Variants in DIP2C observed in about 807,000 individuals in gnomAD.
DIP2C encodes DIP2 acetate--CoA ligase C (putative).
Under a neutral mutation model 192.4 loss-of-function variants are expected in DIP2C, and 33 were observed. That is an observed-to-expected ratio of 0.17 (90% CI 0.13 to 0.23). The LOEUF is 0.23. DIP2C is among the 10% of genes least tolerant of loss of function. The probability of loss-of-function intolerance (pLI) is 1.00; values close to 1 mark genes in which losing one functional copy is unlikely to be tolerated. For synonymous variants in DIP2C, 979 were observed against 864.1 expected (o/e 1.13, Z -2.33); for missense variants, 1,537 against 2,110.1 (o/e 0.73, Z 5.32).
chr10:545,363 C>T (rs574333982), intron 1 of DIP2C, among the ~76,000 whole-genome samples: 2 of 152,068 alleles, frequency 1.3e-5, no homozygotes, highest in South Asian at 4.2e-4. Context: ...GATGAGGTTT[C>T]ACTGCTGATC....
intron 5 of DIP2C, among the ~76,000 whole-genome samples, chr10:422,533 G>A (rs561997771): frequency 4.6e-5 from 7 of 152,176 alleles, no homozygotes; most frequent in African/African-American, 1.7e-4. Flanking sequence ...CCTGTTGATT[G>A]GGACTGTTAA....
intron 3 of DIP2C, among the ~76,000 whole-genome samples, chr10:469,677 C>A (rs1386783418): frequency 6.6e-6 from 1 of 152,148 alleles, no homozygotes; most frequent in Admixed American, 6.6e-5. Flanking sequence ...TGGACTCCCC[C>A]ACTTTCAGCC....
At chr10:549,697 C>A (rs1051413881) in intron 1 of DIP2C, among the ~76,000 whole-genome samples, 2 of 152,158 alleles carry the variant, frequency 1.3e-5, no homozygotes, top group African/African-American at 4.8e-5. Context: ...GCGGGACAAG[C>A]CATGGGTGCC....
At chr10:619,511 TGCCAGG>T (rs370197577) in intron 1 of DIP2C, among the ~76,000 whole-genome samples, 7,138 of 119,150 alleles carry the variant, frequency 0.06, 602 homozygotes, top group African/African-American at 0.22. Context: ...ACAGGCTTTA[TGCCAGG>T]GCCAGGACCA....
intron 3 of DIP2C, 83 bp downstream of exon 3, chr10:472,356 T>G: frequency 7.5e-7 from 1 of 1,331,590 alleles, no homozygotes; most frequent in Non-Finnish European, 1.1e-6. Flanking sequence ...ACTGCACTTC[T>G]GCCTCGCCCA....
chr10:311,909 C>T (rs919643), intron 31 of DIP2C, among the ~76,000 whole-genome samples: 22,464 of 152,024 alleles, frequency 0.15, 2,096 homozygotes, highest in African/African-American at 0.25. Flanking sequence ...GTGTCACTCA[C>T]GGTGCTCTTT....
At chr10:330,553 T>C (rs1372395818) in intron 29 of DIP2C, among the ~76,000 whole-genome samples, 1 of 152,056 alleles carries the variant, frequency 6.6e-6, no homozygotes, top group Non-Finnish European at 1.5e-5. Context: ...AGTAGGGTGG[T>C]GTAATCATAG....
At chr10:619,211 G>A (rs1351204255) in intron 1 of DIP2C, among the ~76,000 whole-genome samples, 8 of 152,072 alleles carry the variant, frequency 5.3e-5, no homozygotes, top group East Asian at 3.9e-4. Flanking sequence ...ATTTCAATAC[G>A]TGCACCTTCG....
rs576370798 is a variant in DIP2C, at chr10:543,043, CAG to C, written c.86-56515_86-56514del. ...TGACGATGACACCAATACCAAAAGT[CAG>C]AAACATTGAGTGATGATGATGACAC... On this transcript the variant is annotated intron_variant, in intron 1 of 36. Coordinates refer to ENST00000280886, the MANE Select transcript of DIP2C (RefSeq NM_014974.3). Among the ~76,000 whole-genome samples, 306 of 152,324 alleles carry C rather than the reference CAG, an allele frequency of 2.0e-3. 1 individual carries two copies. Among genetic ancestry groups the C allele is most frequent in the Middle Eastern group, 0.01 (3 of 294 alleles).
At chr10:390,161 G>T (rs1963343271) in intron 12 of DIP2C, 68 bp from the exon 13 acceptor site, 3 of 1,583,652 alleles carry the variant, frequency 1.9e-6, no homozygotes, top group Non-Finnish European at 2.6e-6. Context: ...GTTACTTGAG[G>T]TTCTCCAAGT....
At position 651,438 on chromosome 10, in the gene DIP2C, T is replaced by G; in HGVS notation, c.85+38056A>C. ...TGAATGAACAAGTATGTTAAGTCGT[T>G]AAGTAAAAATAGCAGAAGACTTAGT... On this transcript the variant is annotated intron_variant, in intron 1 of 36. Coordinates refer to ENST00000280886, the MANE Select transcript of DIP2C (RefSeq NM_014974.3). This position sits in a 1 kb window ranked among gnomAD's most constrained non-coding sequence, Gnocchi z 4.1. 1 of 683,042 alleles carries G rather than the reference T, an allele frequency of 1.5e-6. No individual in the cohort carries two copies. The highest frequency in any genetic ancestry group is 2.7e-6 in the Non-Finnish European group (1 of 371,958). 42.3% of individuals were successfully genotyped at this position (683,042 alleles called of 1,614,324 possible).
At chr10:330,482 G>A (rs1007212391) in intron 29 of DIP2C, among the ~76,000 whole-genome samples, 1 of 152,070 alleles carries the variant, frequency 6.6e-6, no homozygotes, top group Admixed American at 6.6e-5. Flanking sequence ...AAATATCCTA[G>A]ATAAATCACG....
chr10:654,875 C>CTACGA (rs1231580259), intron 1 of DIP2C, among the ~76,000 whole-genome samples: 2 of 152,334 alleles, frequency 1.3e-5, no homozygotes, highest in South Asian at 4.1e-4. Flanking sequence ...ATTCCATTCT[C>CTACGA]TACGATACAA....
At chr10:494,080 G>A (rs970994473) in intron 1 of DIP2C, among the ~76,000 whole-genome samples, 2 of 152,224 alleles carry the variant, frequency 1.3e-5, no homozygotes, top group Non-Finnish European at 2.9e-5. Flanking sequence ...GAGGTGAGTG[G>A]CAGAGTGGTC....
At chr10:505,002 A>G (rs1845496556) in intron 1 of DIP2C, among the ~76,000 whole-genome samples, 1 of 152,062 alleles carries the variant, frequency 6.6e-6, no homozygotes, top group South Asian at 2.1e-4. Context: ...TCATTCAGCA[A>G]AACCGCCGTG....
At position 338,789 on chromosome 10, in the gene DIP2C, T is replaced by A. The variant is rs886245170; in HGVS notation, c.3584+2410A>T. 9.7e-4 allele frequency among the ~76,000 whole-genome samples: 146 copies of A among 151,234 alleles called. 4 individuals carry two copies. The highest frequency in any genetic ancestry group is 3.5e-4 in the Non-Finnish European group (24 of 67,788). On this transcript the variant is annotated intron_variant, in intron 29 of 36. Transcript: ENST00000280886. Reference sequence around the variant, plus strand: ...CCTGGCTGGCACTGCCCACGCCACCTGCACGCTGCACCCTGCCTGGCTCCC... The same window carrying A: ...CCTGGCTGGCACTGCCCACGCCACCAGCACGCTGCACCCTGCCTGGCTCCC...
At chr10:314,258 A>G (rs1956680665) in intron 31 of DIP2C, among the ~76,000 whole-genome samples, 2 of 152,220 alleles carry the variant, frequency 1.3e-5, no homozygotes. Context: ...CAGTAGCTAA[A>G]TATGACAGGT....
chr10:612,569 A>T (rs796695124), intron 1 of DIP2C, among the ~76,000 whole-genome samples: 2 of 152,184 alleles, frequency 1.3e-5, no homozygotes, highest in South Asian at 4.1e-4. Context: ...AGAGATGCCC[A>T]AAATATGAAC....
chr10:580,730 A>C (rs1293690070), intron 1 of DIP2C, among the ~76,000 whole-genome samples: 1 of 151,972 alleles, frequency 6.6e-6, no homozygotes, highest in African/African-American at 2.4e-5. Flanking sequence ...AGTTCCACAT[A>C]ATTTTTTTTT....
Sources: gnomAD v4.1 joint callset for allele counts (sites outside exome capture counted in the v4.1 genomes callset) on GRCh38, gnomAD v4.1.1 for gene constraint, Gnocchi (gnomAD v3.1) non-coding constraint, MANE v1.5 for transcripts, NCBI Gene and HGNC (gene_info 2026-07-23, HGNC 2026-07-21) for gene names.